The following RYR3 variants were observed in gnomAD, a reference collection of about 807,000 sequenced individuals.
The protein encoded by RYR3 is ryanodine receptor 3, also known as brain ryanodine receptor-calcium release channel.
In RYR3, 207 loss-of-function variants were observed where a neutral mutation model predicts 584.3. That is an observed-to-expected ratio of 0.35 (90% CI 0.32 to 0.40). RYR3 has a LOEUF of 0.40. Among genes scored for constraint, RYR3 ranks in the 10% least tolerant of loss-of-function variants. The pLI, the probability that RYR3 is intolerant of heterozygous loss-of-function variation, is 1.00. For synonymous variants in RYR3, 2,416 were observed against 2,248.5 expected (o/e 1.07, Z -2.11); for missense variants, 5,616 against 6,089.2 (o/e 0.92, Z 2.59).
chr15:33,697,840 A>G (rs3736531), intron 39 of RYR3, 42 bp from the exon 40 acceptor site: 210,766 of 1,243,374 alleles, frequency 0.17, 18,698 homozygotes, highest in Middle Eastern at 0.22. Context: ...CATAGCATAT[A>G]AATAAGCAGG....
chr15:33,562,414 G>A (rs1401987362), intron 10 of RYR3, among the ~76,000 whole-genome samples: 1 of 152,216 alleles, frequency 6.6e-6, no homozygotes, highest in Non-Finnish European at 1.5e-5. Context: ...GAAAGCCTCT[G>A]AGTCAGTGCA....
intron 14 of RYR3, 112 bp from the exon 15 acceptor site, chr15:33,584,283 C>A: frequency 1.7e-6 from 1 of 596,522 alleles, no homozygotes; most frequent in Non-Finnish European, 3.0e-6. Flanking sequence ...GTGAGATTGG[C>A]ATTCAGTTCC....
chr15:33,641,298 C>G (rs2061810291), intron 27 of RYR3, among the ~76,000 whole-genome samples: 1 of 152,166 alleles, frequency 6.6e-6, no homozygotes, highest in Non-Finnish European at 1.5e-5. Flanking sequence ...GATGTTGAGC[C>G]CCAGTCCACT....
chr15:33,838,278 T>G lies in RYR3; in HGVS notation c.12298T>G (p.Ser4100Ala), dbSNP rs758054448. ...EDTIFEMQLA[S>A]QISESDSADR... ...CACCATCTTTGAAATGCAGTTAGCA[T>G]CTCAGATCTCTGAATCCGATTCAGC... Residue 4100 changes from serine (S) to alanine (A), a missense_variant, in exon 89 of 104, where the codon TCT (serine) becomes GCT (alanine). Around this residue, in one of 9 missense-constraint regions of RYR3, gnomAD observed 258 missense variants for 297.3 expected, o/e 0.87. Transcript: ENST00000634891. 5 of 1,614,024 alleles carry G rather than the reference T, an allele frequency of 3.1e-6. No individual in the cohort carries two copies. The South Asian group carries it at 5.5e-5, about 18-fold the overall frequency.
At chr15:33,418,339 TTTA>T (rs894524513) in intron 1 of RYR3, among the ~76,000 whole-genome samples, 1 of 151,888 alleles carries the variant, frequency 6.6e-6, no homozygotes, top group African/African-American at 2.4e-5. Flanking sequence ...GTTTTTTTTT[TTTA>T]TTATTATTGA....
intron 12 of RYR3, among the ~76,000 whole-genome samples, chr15:33,573,591 T>C (rs2058146005): frequency 6.6e-6 from 1 of 152,186 alleles, no homozygotes; most frequent in African/African-American, 2.4e-5. Flanking sequence ...AGTTTAACCT[T>C]AGAAGAGAGA....
intron 1 of RYR3, among the ~76,000 whole-genome samples, chr15:33,325,792 TCTTTTCA>T: frequency 2.7e-5 from 4 of 146,836 alleles, no homozygotes; most frequent in African/African-American, 7.6e-5. Context: ...TTTTCTTTTC[TCTTTTCA>T]TTTCTTTTCT....
At chr15:33,722,691 G>A in intron 43 of RYR3, 24 bp from the exon 44 acceptor site, 1 of 1,606,504 alleles carries the variant, frequency 6.2e-7, no homozygotes, top group South Asian at 1.1e-5. Context: ...TCATTGAGAA[G>A]GAAACAGTGC....
chr15:33,460,853 G>T (rs991200583), intron 1 of RYR3, among the ~76,000 whole-genome samples: 7 of 149,720 alleles, frequency 4.7e-5, no homozygotes, highest in African/African-American at 1.7e-4. Context: ...ACTTCCCTAA[G>T]TGCTGTTTAT....
At chr15:33,446,903 C>T (rs988216227) in intron 1 of RYR3, among the ~76,000 whole-genome samples, 2 of 152,228 alleles carry the variant, frequency 1.3e-5, no homozygotes, top group African/African-American at 4.8e-5. Flanking sequence ...AACGCCTTCA[C>T]CACCTTGCTC....
At position 33,435,334 on chromosome 15, in the gene RYR3, G is replaced by A. The variant is rs113496665; in HGVS notation, c.52-38085G>A. ...TTTTTCTGGAACTACTTTTGTTAAT[G>A]TTGTGAGTTTCACGTATAGTGATAT... On this transcript the variant is annotated intron_variant, in intron 1 of 103. Coordinates refer to ENST00000634891, the MANE Select transcript of RYR3 (RefSeq NM_001036.6). Among the ~76,000 whole-genome samples the A allele has an allele frequency of 1.6e-3, 243 of 149,526 alleles. 1 individual carries two copies. Among genetic ancestry groups the A allele is most frequent in the African/African-American group, 5.8e-3 (228 of 39,126 alleles).
At position 33,865,270 on chromosome 15, in the gene RYR3, C is replaced by CATGAA; in HGVS notation, c.*47_*51dup. 1 of 1,423,080 alleles carries CATGAA rather than the reference C, an allele frequency of 7.0e-7. No individual in the cohort carries two copies. Among genetic ancestry groups the CATGAA allele is most frequent in the Non-Finnish European group, 9.9e-7 (1 of 1,014,718 alleles). 88.2% of individuals were successfully genotyped at this position (1,423,080 alleles called of 1,614,324 possible). On this transcript the variant is annotated 3_prime_UTR_variant, in exon 104 of 104. Transcript: ENST00000634891. Reference sequence around the variant, plus strand: ...CGACAATTCTGGACAGTCAACTTCCCATGAAATAAAGTCCCCTTTTTACAG... The same window carrying CATGAA: ...CGACAATTCTGGACAGTCAACTTCCCATGAAATGAAATAAAGTCCCCTTTTTACAG...
At position 33,714,068 on chromosome 15, in the gene RYR3, A is replaced by G. The variant is rs1215733814; in HGVS notation, c.6619+7014A>G. ...GAAGCTTAGATTAAATACCTTGCCCAGAGTCTCATAGGTAGTAGAAAGTAA... is the reference window on the plus strand; with the variant it reads ...GAAGCTTAGATTAAATACCTTGCCCGGAGTCTCATAGGTAGTAGAAAGTAA... On this transcript the variant is annotated intron_variant, in intron 43 of 103. Coordinates refer to ENST00000634891, the MANE Select transcript of RYR3 (RefSeq NM_001036.6). Among the ~76,000 whole-genome samples, 5 of 152,148 alleles carry G rather than the reference A, an allele frequency of 3.3e-5. No homozygotes were observed. In the East Asian group the frequency reaches 5.8e-4, roughly 18 times the overall value.
chr15:33,405,519 G>A (rs1180037884), intron 1 of RYR3, among the ~76,000 whole-genome samples: 2 of 152,142 alleles, frequency 1.3e-5, no homozygotes, highest in East Asian at 3.8e-4. Context: ...GCATGCTGAT[G>A]TATTTTTTTA....
intron 10 of RYR3, among the ~76,000 whole-genome samples, chr15:33,553,642 C>A (rs1189379659): frequency 1.3e-5 from 2 of 152,152 alleles, no homozygotes; most frequent in Non-Finnish European, 2.9e-5. Flanking sequence ...CTCCTTCCCC[C>A]AACTTCAGCA....
chr15:33,830,990 T>C lies in RYR3; in HGVS notation c.11362T>C (p.Tyr3788His), dbSNP rs377004893. ...ATCAATCAGTGATTTCTACTGGTAT[T>C]ATTCAGGGAAGGACATCATTGATGA... ...QESISDFYWY[Y>H]SGKDIIDESG... The change falls in exon 86 of 104, where the codon TAT (tyrosine) becomes CAT (histidine). Residue 3788 changes from tyrosine (Y) to histidine (H), a missense_variant. By Grantham distance (83) the Tyr-to-His change is moderately conservative. Around this residue, in one of 9 missense-constraint regions of RYR3, gnomAD observed 954 missense variants for 1,132.2 expected, o/e 0.84. Transcript: ENST00000634891. 85 of 1,613,712 alleles carry C rather than the reference T, an allele frequency of 5.3e-5. No individual in the cohort carries two copies. The highest frequency in any genetic ancestry group is 7.1e-5 in the Non-Finnish European group (84 of 1,179,722).
intron 43 of RYR3, among the ~76,000 whole-genome samples, chr15:33,719,336 TCA>T (rs1491306594): frequency 2.0e-5 from 3 of 152,204 alleles, no homozygotes; most frequent in East Asian, 1.9e-4. Flanking sequence ...AACGTAGAAC[TCA>T]CAGTCTGATT....
chr15:33,553,635 C>T (rs2056852109), intron 10 of RYR3, among the ~76,000 whole-genome samples: 2 of 152,180 alleles, frequency 1.3e-5, no homozygotes, highest in African/African-American at 2.4e-5. Context: ...CAAGGTCCTC[C>T]TTCCCCCAAC....
intron 1 of RYR3, among the ~76,000 whole-genome samples, chr15:33,347,153 C>T (rs1451135302): frequency 1.3e-5 from 2 of 152,080 alleles, no homozygotes; most frequent in Non-Finnish European, 2.9e-5. Flanking sequence ...TTGGCTTTCT[C>T]CACAGTAAAG....
Sources: gnomAD v4.1 joint callset for allele counts (sites outside exome capture counted in the v4.1 genomes callset) on GRCh38, gnomAD v4.1.1 for gene constraint, gnomAD v4.1.1 regional missense constraint, MANE v1.5 for transcripts, NCBI Gene and HGNC (gene_info 2026-07-23, HGNC 2026-07-21) for gene names.